ARHGAP15: variants seen among roughly 807,000 people sequenced by gnomAD.
ARHGAP15 encodes rho GTPase-activating protein 15.
In ARHGAP15, 51 loss-of-function variants were observed where a neutral mutation model predicts 63.7. That is an observed-to-expected ratio of 0.80 (90% CI 0.64 to 1.01). ARHGAP15 has a LOEUF of 1.01. ARHGAP15 is among the 50% of genes least tolerant of loss of function. ARHGAP15 has a pLI of 0.00. For synonymous variants in ARHGAP15, 191 were observed against 193.8 expected, an observed-to-expected ratio of 0.99 and a Z score of 0.12; for missense variants, 560 against 564.6, an observed-to-expected ratio of 0.99 and a Z score of 0.08.
At chr2:143,689,220 AT>A (rs954589097) in intron 12 of ARHGAP15, among the ~76,000 whole-genome samples, 5 of 152,120 alleles carry the variant, frequency 3.3e-5, no homozygotes, top group African/African-American at 1.2e-4. Flanking sequence ...GCAAAATTTA[AT>A]TTTGTTTTGC....
intron 3 of ARHGAP15, among the ~76,000 whole-genome samples, chr2:143,203,855 T>C (rs1395254681): frequency 6.6e-6 from 1 of 152,130 alleles, no homozygotes; most frequent in Non-Finnish European, 1.5e-5. Context: ...AAATTTCTAT[T>C]TCCAGCATGG....
intron 6 of ARHGAP15, among the ~76,000 whole-genome samples, chr2:143,274,217 C>G (rs1180949474): frequency 6.6e-6 from 1 of 152,106 alleles, no homozygotes; most frequent in Admixed American, 6.5e-5. Context: ...TCCTTGTTAT[C>G]TGGGCCTTAG....
At chr2:143,497,437 T>C (rs1396051046) in intron 9 of ARHGAP15, among the ~76,000 whole-genome samples, 2 of 152,132 alleles carry the variant, frequency 1.3e-5, no homozygotes, top group African/African-American at 4.8e-5. Flanking sequence ...CTTGTCAGTG[T>C]TCAAAAGAAT....
intron 13 of ARHGAP15, among the ~76,000 whole-genome samples, chr2:143,752,467 C>T (rs979147895): frequency 1.1e-4 from 16 of 152,190 alleles, no homozygotes; most frequent in South Asian, 8.3e-4. Context: ...CACAATTGGG[C>T]TGCCACCTTG....
At chr2:143,517,614 G>A (rs779277469) in intron 9 of ARHGAP15, among the ~76,000 whole-genome samples, 2 of 152,102 alleles carry the variant, frequency 1.3e-5, no homozygotes, top group Non-Finnish European at 2.9e-5. Flanking sequence ...CTACTCTCCT[G>A]GGTTTTGCCT....
At chr2:143,695,977 AAAGAT>A (rs1305436051) in intron 12 of ARHGAP15, among the ~76,000 whole-genome samples, 1 of 152,236 alleles carries the variant, frequency 6.6e-6, no homozygotes, top group African/African-American at 2.4e-5. Flanking sequence ...ATGAGAAAGA[AAAGAT>A]ATTATTACTT....
At chr2:143,397,304 TATGAG>T (rs1687804705) in intron 6 of ARHGAP15, among the ~76,000 whole-genome samples, 1 of 143,938 alleles carries the variant, frequency 6.9e-6, no homozygotes, top group Non-Finnish European at 1.5e-5. Context: ...ACAATAATAA[TATGAG>T]ATATGTATGT....
intron 3 of ARHGAP15, among the ~76,000 whole-genome samples, chr2:143,206,855 G>A (rs114656108): frequency 6.6e-6 from 1 of 151,982 alleles, no homozygotes. Context: ...TAAAAAGTTT[G>A]CTCTGAAGTA....
intron 8 of ARHGAP15, among the ~76,000 whole-genome samples, chr2:143,478,686 C>T (rs1393372704): frequency 6.7e-6 from 1 of 149,882 alleles, no homozygotes; most frequent in African/African-American, 2.4e-5. Flanking sequence ...TAGCAAATAA[C>T]TTCAAAATAT....
At chr2:143,686,383 CAAAAAAAAAAAAAAAAAAAAAA>C (rs35554349) in intron 12 of ARHGAP15, among the ~76,000 whole-genome samples, 2 of 55,076 alleles carry the variant, frequency 3.6e-5, no homozygotes, top group Admixed American at 2.9e-4. Flanking sequence ...GACTCTGTCT[CAAAAAAAAAAAAAAAAAAAAAA>C]AAAAAAAAAA....
chr2:143,486,606 G>T (rs924926977), intron 8 of ARHGAP15, among the ~76,000 whole-genome samples: 1 of 151,926 alleles, frequency 6.6e-6, no homozygotes, highest in African/African-American at 2.4e-5. Context: ...TCTTGGATGT[G>T]TTTAGACCAT....
chr2:143,754,669 G>A (rs551202069), intron 13 of ARHGAP15, among the ~76,000 whole-genome samples: 6 of 152,302 alleles, frequency 3.9e-5, no homozygotes, highest in Admixed American at 3.3e-4. Flanking sequence ...CCCAGGGAAC[G>A]GGATTAGCAA....
intron 11 of ARHGAP15, among the ~76,000 whole-genome samples, chr2:143,582,819 T>C (rs1696963629): frequency 6.6e-6 from 1 of 152,236 alleles, no homozygotes; most frequent in African/African-American, 2.4e-5. Flanking sequence ...AGCTTGCCAA[T>C]GGGTGAGGAG....
At chr2:143,686,822 T>TAACA (rs1308569184) in intron 12 of ARHGAP15, among the ~76,000 whole-genome samples, 1 of 152,178 alleles carries the variant, frequency 6.6e-6, no homozygotes, top group Non-Finnish European at 1.5e-5. Flanking sequence ...CATACAAATC[T>TAACA]AACACCAATT....
intron 6 of ARHGAP15, among the ~76,000 whole-genome samples, chr2:143,381,469 T>A (rs1016186516): frequency 2.0e-5 from 3 of 152,118 alleles, no homozygotes; most frequent in African/African-American, 7.2e-5. Flanking sequence ...GAAAAAAAAA[T>A]TGGCAGTTGT....
At chr2:143,560,844 C>G (rs1374438776) in intron 11 of ARHGAP15, among the ~76,000 whole-genome samples, 1 of 152,190 alleles carries the variant, frequency 6.6e-6, no homozygotes, top group Non-Finnish European at 1.5e-5. Flanking sequence ...ATCGAGGATT[C>G]TCGATTTACT....
chr2:143,217,141 A>G (rs1692786986), intron 4 of ARHGAP15, among the ~76,000 whole-genome samples: 1 of 152,194 alleles, frequency 6.6e-6, no homozygotes, highest in African/African-American at 2.4e-5. Context: ...GTTGAGAGAC[A>G]AGGCATTTAC....
chr2:143,432,885 C>T (rs933272511), intron 6 of ARHGAP15, among the ~76,000 whole-genome samples: 1 of 152,030 alleles, frequency 6.6e-6, no homozygotes, highest in African/African-American at 2.4e-5. Context: ...TGGAGACCAG[C>T]AGCTCTTATC....
chr2:143,637,755 A>G (rs1194818791), intron 12 of ARHGAP15, among the ~76,000 whole-genome samples: 2 of 151,300 alleles, frequency 1.3e-5, no homozygotes. Context: ...AACTCATCCG[A>G]CAAAGGGCTA....
Sources: gnomAD v4.1 joint callset for allele counts (sites outside exome capture counted in the v4.1 genomes callset) on GRCh38, gnomAD v4.1.1 for gene constraint, MANE v1.5 for transcripts, NCBI Gene and HGNC (gene_info 2026-07-23, HGNC 2026-07-21) for gene names.